Variants in MAGI2 observed in about 807,000 individuals in gnomAD.
MAGI2 encodes the protein membrane associated guanylate kinase, WW and PDZ domain containing 2, also known as membrane-associated guanylate kinase, WW and PDZ domain-containing protein 2.
A neutral mutation model predicts 133.3 loss-of-function variants in MAGI2; 35 were observed. The observed-to-expected ratio is 0.26, with a 90% CI of 0.20 to 0.35. The LOEUF (loss-of-function observed/expected upper bound fraction) is 0.35. Ranked by LOEUF, MAGI2 falls within the 10% of genes least tolerant of loss-of-function variation. MAGI2 has a pLI of 1.00. For synonymous variants in MAGI2, 729 were observed against 710.6 expected (o/e 1.03, Z -0.41); for missense variants, 1,636 against 1,863.4 (o/e 0.88, Z 2.25).
intron 1 of MAGI2, among the ~76,000 whole-genome samples, chr7:79,256,786 C>T (rs1482245698): frequency 6.6e-6 from 1 of 151,938 alleles, no homozygotes; most frequent in Non-Finnish European, 1.5e-5. Context: ...CCACCACGCC[C>T]CGCAAAAATA....
intron 1 of MAGI2, among the ~76,000 whole-genome samples, chr7:79,265,856 G>A (rs775799841): frequency 6.6e-6 from 1 of 152,030 alleles, no homozygotes; most frequent in Non-Finnish European, 1.5e-5. Flanking sequence ...TCACAGCTAT[G>A]TTTCTGCTTT....
chr7:79,348,181 T>C (rs114387303), intron 1 of MAGI2, among the ~76,000 whole-genome samples: 1,561 of 151,932 alleles, frequency 0.01, 29 homozygotes, highest in African/African-American at 0.035. Context: ...TTTCCAGAAA[T>C]GTTTTATTTG....
chr7:78,166,307 TC>T (rs1825618168), intron 15 of MAGI2, among the ~76,000 whole-genome samples: 1 of 152,240 alleles, frequency 6.6e-6, no homozygotes, highest in African/African-American at 2.4e-5. Context: ...AAATCAGGTA[TC>T]TTTTTAATTT....
At chr7:79,220,075 C>T (rs1830324362) in intron 1 of MAGI2, among the ~76,000 whole-genome samples, 2 of 151,976 alleles carry the variant, frequency 1.3e-5, no homozygotes, top group African/African-American at 4.8e-5. Context: ...CCTTGGGCTT[C>T]CCAATGCTAA....
At chr7:78,043,842 A>G (rs1811114824) in intron 21 of MAGI2, among the ~76,000 whole-genome samples, 1 of 152,238 alleles carries the variant, frequency 6.6e-6, no homozygotes, top group Non-Finnish European at 1.5e-5. Context: ...AAAACTAACA[A>G]ACTGAGAACT....
At position 78,741,566 on chromosome 7, in the gene MAGI2, A is replaced by G. The variant is rs1822438435; in HGVS notation, c.419-114327T>C. Among the ~76,000 whole-genome samples the G allele has an allele frequency of 2.0e-5, 3 of 152,034 alleles. No individual in the cohort carries two copies. The South Asian group carries it at 6.2e-4, about 32-fold the overall frequency. On this transcript the variant is annotated intron_variant, in intron 2 of 21. Transcript: ENST00000354212. ...TTGAAAATACAGTAGAAACTTAGAA[A>G]GGAAGATTGAGTACTCATTTCACTG...
chr7:79,139,568 G>A (rs1036109601), intron 1 of MAGI2, among the ~76,000 whole-genome samples: 2 of 152,162 alleles, frequency 1.3e-5, no homozygotes, highest in Admixed American at 1.3e-4. Context: ...CAGGTATCAT[G>A]AGACAAATGG....
chr7:78,924,189 T>C (rs1222873490), intron 2 of MAGI2, among the ~76,000 whole-genome samples: 2 of 152,074 alleles, frequency 1.3e-5, no homozygotes, highest in South Asian at 2.1e-4. Flanking sequence ...CCTTTATTTC[T>C]TTCTCCTGCC....
At chr7:78,582,575 C>T (rs755407532) in intron 3 of MAGI2, among the ~76,000 whole-genome samples, 1 of 152,154 alleles carries the variant, frequency 6.6e-6, no homozygotes, top group East Asian at 1.9e-4. Context: ...GAGCCATGTG[C>T]CAAGAGGCAA....
rs180958887 is a variant in MAGI2, at chr7:79,238,505, A to T, written c.301+214515T>A. 4.1e-4 allele frequency among the ~76,000 whole-genome samples: 63 copies of T among 152,280 alleles called. 1 individual carries two copies. Among genetic ancestry groups the T allele is most frequent in the African/African-American group, 1.4e-3 (58 of 41,588 alleles). ...TATACGTCAAGAAATTGGAGAGAAG[A>T]TAAAGCATATCGTTTGGATAAACTA... On this transcript the variant is annotated intron_variant, in intron 1 of 21. Transcript: ENST00000354212.
intron 1 of MAGI2, among the ~76,000 whole-genome samples, chr7:79,077,911 A>G (rs1385462723): frequency 6.6e-6 from 1 of 151,602 alleles, no homozygotes; most frequent in African/African-American, 2.4e-5. Flanking sequence ...CATTGCATAT[A>G]GTTTTTATTT....
intron 2 of MAGI2, among the ~76,000 whole-genome samples, chr7:78,759,863 TCA>T (rs1824308637): frequency 6.6e-6 from 1 of 152,150 alleles, no homozygotes; most frequent in South Asian, 2.1e-4. Context: ...GGATGGTGGC[TCA>T]CACCTGTAAT....
chr7:78,406,720 G>A (rs1428046214), intron 6 of MAGI2, among the ~76,000 whole-genome samples: 1 of 152,006 alleles, frequency 6.6e-6, no homozygotes, highest in Non-Finnish European at 1.5e-5. Context: ...ATTCTCTCAG[G>A]AGAGCCATTT....
At chr7:79,216,125 G>A (rs1185129035) in intron 1 of MAGI2, among the ~76,000 whole-genome samples, 1 of 151,852 alleles carries the variant, frequency 6.6e-6, no homozygotes. Context: ...TAAGCAGATG[G>A]GCAGGTGAAC....
intron 6 of MAGI2, among the ~76,000 whole-genome samples, chr7:78,435,840 A>AT (rs1483908616): frequency 6.6e-6 from 1 of 152,146 alleles, no homozygotes; most frequent in Non-Finnish European, 1.5e-5. Context: ...GGAAAGGGGA[A>AT]TTTTTCCAGA....
chr7:78,561,150 A>G (rs1800361446), intron 3 of MAGI2, among the ~76,000 whole-genome samples: 1 of 152,174 alleles, frequency 6.6e-6, no homozygotes. Flanking sequence ...GAAAAGAGAC[A>G]AGAAGCAGAC....
At chr7:79,274,640 ACTTT>A (rs768218697) in intron 1 of MAGI2, among the ~76,000 whole-genome samples, 3 of 152,052 alleles carry the variant, frequency 2.0e-5, no homozygotes, top group African/African-American at 2.4e-5. Flanking sequence ...TAAAATGCAT[ACTTT>A]CTTTATTTAC....
chr7:79,016,801 A>G (rs1377411750), intron 1 of MAGI2, among the ~76,000 whole-genome samples: 3 of 152,162 alleles, frequency 2.0e-5, no homozygotes, highest in Non-Finnish European at 4.4e-5. Flanking sequence ...CCCCTATGCC[A>G]ATATTGCCAC....
chr7:78,800,961 TGA>T (rs1788010792), intron 2 of MAGI2, among the ~76,000 whole-genome samples: 1 of 152,162 alleles, frequency 6.6e-6, no homozygotes, highest in African/African-American at 2.4e-5. Context: ...AATATAAAAA[TGA>T]CCTATGAGAA....
Sources: gnomAD v4.1 joint callset for allele counts (sites outside exome capture counted in the v4.1 genomes callset) on GRCh38, gnomAD v4.1.1 for gene constraint, MANE v1.5 for transcripts, NCBI Gene and HGNC (gene_info 2026-07-23, HGNC 2026-07-21) for gene names.